The following PCM1 variants were observed in gnomAD, a reference collection of about 807,000 sequenced individuals.
The protein encoded by PCM1 is pericentriolar material 1.
A neutral mutation model predicts 241.9 loss-of-function variants in PCM1; 157 were observed. That is an observed-to-expected ratio of 0.65 (90% confidence interval 0.57 to 0.74). The LOEUF is 0.74. Ranked by LOEUF, PCM1 falls within the 30% of genes least tolerant of loss-of-function variation. The pLI is 0.00. For missense variants in PCM1, 3,478 were observed against 2,360.1 expected (o/e 1.47, Z -9.81); for synonymous variants, 1,085 against 784.9 (o/e 1.38, Z -6.39).
At position 17,963,109 on chromosome 8, in the gene PCM1, A is replaced by G. The variant is rs935734034; in HGVS notation, c.2472A>G (p.Ser824=). 1.2e-6 allele frequency: 2 copies of G among 1,606,744 alleles called. No homozygotes were observed. The highest frequency in any genetic ancestry group is 3.4e-5 in the Admixed American group (2 of 58,728). ...TTTCTTAAAAAAAATAGTTGTGGTC[A>G]GAAATGAGAAGACATGAAATGTTGA... ...DSSIVDNELW[S]EMRRHEMLRE... is the part of the protein sequence containing the mutation. Residue 824 remains serine, a synonymous_variant, in exon 17 of 39, where the codon TCA becomes TCG. Coordinates refer to ENST00000325083, the MANE Select transcript of PCM1 (RefSeq NM_006197.4).
intron 13 of PCM1, among the ~76,000 whole-genome samples, chr8:17,958,768 T>G (rs1476773045): frequency 6.6e-6 from 1 of 152,096 alleles, no homozygotes; most frequent in Non-Finnish European, 1.5e-5. Flanking sequence ...GTCACCCAGG[T>G]TGGAGTGCAG....
At position 17,993,493 on chromosome 8, in the gene PCM1, T is replaced by G; in HGVS notation, c.4701T>G (p.Val1567=). The G allele has an allele frequency of 6.4e-7, 1 of 1,565,390 alleles. No individual in the cohort carries two copies. Among genetic ancestry groups the G allele is most frequent in the Non-Finnish European group, 8.6e-7 (1 of 1,156,574 alleles). The change falls in exon 29 of 39, where the codon GTT becomes GTG. Residue 1567 remains valine (V), a synonymous_variant. Transcript: ENST00000325083. ...CTTTTTAAAAATTAGAAACTCCCGT[T>G]ATTGAAAATCGTAGTTCACAACAAC... The part of the protein sequence containing the change: ...TTVNNLEETP[V]IENRSSQQPV...
intron 20 of PCM1, 32 bp downstream of exon 20, chr8:17,966,505 A>AT (rs376132853): frequency 6.3e-6 from 10 of 1,598,078 alleles, no homozygotes; most frequent in African/African-American, 4.0e-5. Context: ...TTGAGACTGT[A>AT]TAAGAGCTAA....
chr8:17,962,356 G>T (rs933574991), intron 16 of PCM1, 182 bp downstream of exon 16: 36 of 315,884 alleles, frequency 1.1e-4, no homozygotes, highest in African/African-American at 7.7e-4. Flanking sequence ...ATATAAGAAA[G>T]ATAAAACATT....
chr8:18,004,087 G>T (rs1242893360), intron 29 of PCM1, among the ~76,000 whole-genome samples: 1 of 151,998 alleles, frequency 6.6e-6, no homozygotes, highest in Non-Finnish European at 1.5e-5. Context: ...TATGCTTAGG[G>T]AGTGCAGCCT....
At chr8:17,980,325 G>T in intron 23 of PCM1, 1 of 267,544 alleles carries the variant, frequency 3.7e-6, no homozygotes. Flanking sequence ...GTCATGTAAG[G>T]TCTGCCATAT....
intron 6 of PCM1, 151 bp downstream of exon 6, chr8:17,940,012 T>G: frequency 7.1e-7 from 1 of 1,399,230 alleles, no homozygotes; most frequent in Non-Finnish European, 9.8e-7. Context: ...TTTTAATAGT[T>G]GTATGATTTA....
chr8:17,932,448 T>G (rs186577456), intron 2 of PCM1, among the ~76,000 whole-genome samples: 1 of 152,166 alleles, frequency 6.6e-6, no homozygotes. Context: ...TTAGATAATA[T>G]GTAATTTATA....
intron 29 of PCM1, among the ~76,000 whole-genome samples, chr8:17,997,913 A>G (rs925421281): frequency 1.3e-5 from 2 of 151,530 alleles, no homozygotes; most frequent in Non-Finnish European, 2.9e-5. Context: ...GTGCGCACCT[A>G]TAATGACAGC....
At chr8:17,990,748 G>C (rs1217407898) in intron 27 of PCM1, among the ~76,000 whole-genome samples, 1 of 152,136 alleles carries the variant, frequency 6.6e-6, no homozygotes, top group Non-Finnish European at 1.5e-5. Flanking sequence ...GTGATGAAGA[G>C]AAGACTTAGA....
At chr8:17,990,305 T>G (rs1382921173) in intron 27 of PCM1, among the ~76,000 whole-genome samples, 1 of 152,072 alleles carries the variant, frequency 6.6e-6, no homozygotes, top group African/African-American at 2.4e-5. Context: ...GGTCATCGTT[T>G]AAGGTCATCT....
chr8:17,958,362 C>T (rs2069729997), intron 13 of PCM1, among the ~76,000 whole-genome samples: 1 of 151,978 alleles, frequency 6.6e-6, no homozygotes, highest in Non-Finnish European at 1.5e-5. Flanking sequence ...AACTATTAAT[C>T]ATAAATTTTA....
chr8:17,946,883 G>A (rs1018780968), intron 6 of PCM1, among the ~76,000 whole-genome samples: 17 of 150,520 alleles, frequency 1.1e-4, no homozygotes, highest in Non-Finnish European at 2.2e-4. Context: ...CCATGTGTCC[G>A]TGTCCCTCTT....
chr8:17,960,397 A>T lies in PCM1; in HGVS notation c.2275A>T (p.Ile759Phe). 1 of 1,606,972 alleles carries T rather than the reference A, an allele frequency of 6.2e-7. No individual in the cohort carries two copies. The highest frequency in any genetic ancestry group is 2.2e-5 in the East Asian group (1 of 44,632). ...GGAAGAAAGAAAGAAACTGATTGAC[A>T]TTCAGGAGAAAATTCAAGCATTGCA... ...LQEERKKLID[I>F]QEKIQALQTA... Residue 759 changes from isoleucine to phenylalanine, a missense_variant, in exon 15 of 39, where the codon ATT (isoleucine) becomes TTT (phenylalanine). Physicochemically the swap from Ile to Phe is conservative, Grantham distance 21 (BLOSUM62 0). Transcript: ENST00000325083.
At position 18,014,575 on chromosome 8, in the gene PCM1, T is replaced by C. The variant is rs1240388299; in HGVS notation, c.5585-9T>C. On this transcript the variant is annotated splice_polypyrimidine_tract_variant and intron_variant, in intron 35 of 38. Transcript: ENST00000325083. Reference sequence around the variant, plus strand: ...TTACACTAATGTTAAGACTTTCTTTTGATGACAGATGACCAAAATAACTGT... The same window carrying C: ...TTACACTAATGTTAAGACTTTCTTTCGATGACAGATGACCAAAATAACTGT... The C allele has an allele frequency of 6.3e-7, 1 of 1,589,540 alleles. No homozygotes were observed. The highest frequency in any genetic ancestry group is 1.1e-5 in the South Asian group (1 of 86,976).
chr8:18,018,889 T>C (rs796543036), intron 36 of PCM1, among the ~76,000 whole-genome samples: 1 of 88,576 alleles, frequency 1.1e-5, no homozygotes, highest in Non-Finnish European at 2.5e-5. Context: ...TACACACACA[T>C]ATACATACAC....
At chr8:17,951,743 G>C (rs1490155730) in intron 8 of PCM1, among the ~76,000 whole-genome samples, 2 of 152,138 alleles carry the variant, frequency 1.3e-5, no homozygotes, top group Non-Finnish European at 2.9e-5. Flanking sequence ...GTTACCTTTG[G>C]AGTGGGTAAT....
At chr8:17,962,335 A>C (rs544873007) in intron 16 of PCM1, 161 bp downstream of exon 16, 3 of 359,008 alleles carry the variant, frequency 8.4e-6, no homozygotes, top group African/African-American at 6.3e-5. Flanking sequence ...AAAATGTAAT[A>C]GATTATAATA....
chr8:18,019,270 T>G (rs2093568364), intron 36 of PCM1, among the ~76,000 whole-genome samples: 1 of 152,158 alleles, frequency 6.6e-6, no homozygotes, highest in African/African-American at 2.4e-5. Context: ...CTTTCATACT[T>G]TTAGCTTACA....
Sources: gnomAD v4.1 joint callset for allele counts (sites outside exome capture counted in the v4.1 genomes callset) on GRCh38, gnomAD v4.1.1 for gene constraint, MANE v1.5 for transcripts, NCBI Gene and HGNC (gene_info 2026-07-23, HGNC 2026-07-21) for gene names.